ULK4: variants seen among roughly 807,000 people sequenced by gnomAD.
ULK4 encodes inactive serine/threonine-protein kinase ULK4.
In ULK4, 133 loss-of-function variants were observed where a neutral mutation model predicts 160.6. The ratio of observed to expected loss-of-function variants is 0.83; its 90% CI spans 0.72 to 0.96. The LOEUF is 0.96. Among genes scored for constraint, ULK4 ranks in the 40% least tolerant of loss-of-function variants. The pLI is 0.00. For synonymous variants in ULK4, 534 were observed against 539.8 expected (o/e 0.99, Z 0.15); for missense variants, 1,580 against 1,499.5 (o/e 1.05, Z -0.89).
intron 35 of ULK4, among the ~76,000 whole-genome samples, chr3:41,361,199 G>C (rs2081135218): frequency 6.6e-6 from 1 of 152,058 alleles, no homozygotes; most frequent in Admixed American, 6.6e-5. Flanking sequence ...CAGATATTGG[G>C]GAGAGAATCT....
intron 18 of ULK4, among the ~76,000 whole-genome samples, chr3:41,825,764 A>G (rs147857049): frequency 0.072 from 10,991 of 152,262 alleles, 1,253 homozygotes; most frequent in African/African-American, 0.24. Context: ...AATTTCCCCA[A>G]TCTAGCAAGG....
chr3:41,931,962 G>A lies in ULK4; in HGVS notation c.423C>T (p.Cys141=), dbSNP rs772110125. ...GPGTLKFSNF[C]LAKVEGENLE... ...AATTTTCACCTTCCACTTTTGCCAA[G>A]CAAAAGTTGCTAAACTTCAGTGTGC... Residue 141 remains cysteine, a synonymous_variant, in exon 5 of 37, where the codon TGC becomes TGT. Transcript: ENST00000301831. 3 of 1,613,874 alleles carry A rather than the reference G, an allele frequency of 1.9e-6. No individual in the cohort carries two copies. In the Admixed American group the frequency reaches 5.0e-5, roughly 27 times the overall value.
intron 35 of ULK4, among the ~76,000 whole-genome samples, chr3:41,292,216 T>C (rs1374140964): frequency 1.3e-5 from 2 of 152,192 alleles, no homozygotes; most frequent in Non-Finnish European, 2.9e-5. Context: ...CAATAACTAC[T>C]TCTAAGTGGA....
intron 18 of ULK4, among the ~76,000 whole-genome samples, chr3:41,827,010 G>C (rs928290356): frequency 2.0e-5 from 3 of 150,722 alleles, no homozygotes; most frequent in Admixed American, 6.6e-5. Context: ...GAAACTCACT[G>C]AAAACCGCTC....
chr3:41,860,308 A>G (rs1226588277), intron 17 of ULK4, among the ~76,000 whole-genome samples: 1 of 152,144 alleles, frequency 6.6e-6, no homozygotes, highest in African/African-American at 2.4e-5. Flanking sequence ...GATCCGTCCA[A>G]TGCTGAAAAT....
intron 32 of ULK4, among the ~76,000 whole-genome samples, chr3:41,480,903 T>C (rs1000936148): frequency 6.6e-6 from 1 of 152,114 alleles, no homozygotes; most frequent in Non-Finnish European, 1.5e-5. Context: ...CTCACTATCA[T>C]GAGAACAGCC....
intron 32 of ULK4, among the ~76,000 whole-genome samples, chr3:41,521,289 C>G (rs1191954421): frequency 6.6e-6 from 1 of 152,170 alleles, no homozygotes; most frequent in Non-Finnish European, 1.5e-5. Flanking sequence ...ATAGTATGAT[C>G]TGGGAGGTCA....
chr3:41,397,102 G>C (rs2082078150), intron 35 of ULK4, among the ~76,000 whole-genome samples: 1 of 152,060 alleles, frequency 6.6e-6, no homozygotes, highest in Non-Finnish European at 1.5e-5. Flanking sequence ...AGTGAACACA[G>C]ACTGACAAAC....
chr3:41,921,963 G>C (rs1036576786), intron 5 of ULK4, among the ~76,000 whole-genome samples: 1 of 152,026 alleles, frequency 6.6e-6, no homozygotes, highest in African/African-American at 2.4e-5. Flanking sequence ...AGACCAGCCT[G>C]ACCAACATGG....
rs536714681 is a variant in ULK4 at position 41,533,678 on chromosome 3, T to C, written c.3226+32347A>G. Among the ~76,000 whole-genome samples the C allele has an allele frequency of 8.5e-5, 13 of 152,322 alleles. No homozygotes were observed. The South Asian group carries it at 2.7e-3, about 32-fold the overall frequency. ...AATTAAGTAGCAGCAACAAAAGCAATATGGCCCACAAGTCTTAAATATATA... is the reference window on the plus strand; with the variant it reads ...AATTAAGTAGCAGCAACAAAAGCAACATGGCCCACAAGTCTTAAATATATA... On this transcript the variant is annotated intron_variant, in intron 32 of 36. Transcript: ENST00000301831.
chr3:41,833,286 GTTT>G (rs767254673), intron 18 of ULK4, among the ~76,000 whole-genome samples: 46 of 109,510 alleles, frequency 4.2e-4, no homozygotes, highest in African/African-American at 2.0e-3. Context: ...TTTTTTTTTT[GTTT>G]TTTTTTTTTT....
chr3:41,815,877 G>A (rs1186398124), intron 19 of ULK4, among the ~76,000 whole-genome samples: 2 of 152,140 alleles, frequency 1.3e-5, no homozygotes, highest in Non-Finnish European at 2.9e-5. Context: ...AGAACAAAAT[G>A]TAATAGACTC....
intron 32 of ULK4, among the ~76,000 whole-genome samples, chr3:41,533,147 AG>A (rs1196505365): frequency 6.6e-6 from 1 of 152,180 alleles, no homozygotes; most frequent in African/African-American, 2.4e-5. Flanking sequence ...GAGCAAGCCC[AG>A]CTGACACTGT....
At chr3:41,808,419 T>C (rs1275028206) in intron 19 of ULK4, among the ~76,000 whole-genome samples, 1 of 152,110 alleles carries the variant, frequency 6.6e-6, no homozygotes, top group East Asian at 1.9e-4. Context: ...CTCAGTGAGG[T>C]TGTCAGGCCA....
At chr3:41,785,679 A>C (rs2039980111) in intron 21 of ULK4, among the ~76,000 whole-genome samples, 1 of 152,186 alleles carries the variant, frequency 6.6e-6, no homozygotes. Flanking sequence ...CTAACCTATC[A>C]ACAATAAGGC....
intron 21 of ULK4, among the ~76,000 whole-genome samples, chr3:41,776,588 T>A (rs1232120175): frequency 1.7e-5 from 2 of 115,666 alleles, no homozygotes; most frequent in Admixed American, 1.7e-4. Context: ...CAAAATGAAA[T>A]ACGTCCCATC....
At chr3:41,585,051 G>A (rs2030688735) in intron 31 of ULK4, among the ~76,000 whole-genome samples, 1 of 152,046 alleles carries the variant, frequency 6.6e-6, no homozygotes, top group South Asian at 2.1e-4. Context: ...TGTGTTCATA[G>A]ATCAAAAGAT....
chr3:41,411,290 C>A (rs1045551032), intron 34 of ULK4, among the ~76,000 whole-genome samples: 1 of 152,106 alleles, frequency 6.6e-6, no homozygotes, highest in Non-Finnish European at 1.5e-5. Flanking sequence ...GCATTAACAT[C>A]AACACATACC....
At chr3:41,255,924 A>T (rs1403923943) in intron 35 of ULK4, among the ~76,000 whole-genome samples, 3 of 152,220 alleles carry the variant, frequency 2.0e-5, no homozygotes, top group African/African-American at 7.2e-5. Flanking sequence ...TATTCTTTTC[A>T]AGTGCATATG....
Sources: allele counts gnomAD v4.1 joint callset (sites outside exome capture counted in the v4.1 genomes callset), GRCh38; gene constraint gnomAD v4.1.1; transcripts MANE v1.5; gene names NCBI Gene and HGNC (gene_info 2026-07-23, HGNC 2026-07-21).